SAMMSON: variants seen among roughly 807,000 people sequenced by gnomAD.
The protein encoded by SAMMSON is survival associated mitochondrial melanoma specific oncogenic non-coding RNA.
intron 7 of SAMMSON, among the ~76,000 whole-genome samples, chr3:70,308,240 TA>T (rs1218296516): frequency 2.2e-5 from 3 of 134,016 alleles, no homozygotes; most frequent in Admixed American, 1.5e-4. Flanking sequence ...GTTTTTATTT[TA>T]TTTTTTTTTT....
intron 4 of SAMMSON, among the ~76,000 whole-genome samples, chr3:70,185,076 C>G (rs1701082158): frequency 6.6e-6 from 1 of 152,180 alleles, no homozygotes; most frequent in African/African-American, 2.4e-5. Context: ...AATAGAAACA[C>G]TGAGCCCCTT....
chr3:70,265,559 G>A lies in SAMMSON; in HGVS notation n.674+15889G>A, dbSNP rs187958570. Among the ~76,000 whole-genome samples the A allele has an allele frequency of 2.0e-5, 3 of 152,194 alleles. No homozygotes were observed. In the East Asian group the frequency reaches 5.8e-4, roughly 29 times the overall value. ...TCCCAGCCATCTCAGGACTTTTAGG[G>A]TGGGGTTGCATTATCAAGGTGCTTC... On this transcript the variant is annotated intron_variant and non_coding_transcript_variant, in intron 6 of 9. Coordinates refer to ENST00000642114, the Ensembl canonical transcript of SAMMSON.
In SAMMSON at chr3:70,066,739, A is replaced by G. The variant is rs1267439002; in HGVS notation, n.418-4737A>G. 2.0e-5 allele frequency among the ~76,000 whole-genome samples: 3 copies of G among 152,226 alleles called. No homozygotes were observed. The East Asian group carries it at 5.8e-4, about 29-fold the overall frequency. On this transcript the variant is annotated intron_variant and non_coding_transcript_variant, in intron 3 of 9. Transcript: ENST00000642114. The stretch of plus-strand genomic sequence containing the variant: ...CAGGGATTTAAATTAATCTGAGTGG[A>G]CATGTTTAGGTTGAGAGTTGCTCCA...
At chr3:70,255,988 T>G (rs532762510) in intron 6 of SAMMSON, among the ~76,000 whole-genome samples, 2 of 152,222 alleles carry the variant, frequency 1.3e-5, no homozygotes, top group Non-Finnish European at 2.9e-5. Context: ...TACCCACTTT[T>G]CTTTCTCCAC....
At chr3:70,403,909 A>T (rs901501902) in intron 2 of SAMMSON, among the ~76,000 whole-genome samples, 2 of 152,204 alleles carry the variant, frequency 1.3e-5, no homozygotes, top group Non-Finnish European at 2.9e-5. Context: ...AGATATTATT[A>T]TCTCTATCAA....
At chr3:70,250,409 TCTCACACA>T (rs1358852894) in intron 6 of SAMMSON, among the ~76,000 whole-genome samples, 13,716 of 126,248 alleles carry the variant, frequency 0.11, 800 homozygotes, top group South Asian at 0.22. Context: ...TTTTAATGAA[TCTCACACA>T]CACACACACA....
intron 4 of SAMMSON, among the ~76,000 whole-genome samples, chr3:70,129,004 C>CA (rs1271400695): frequency 6.6e-6 from 1 of 152,112 alleles, no homozygotes; most frequent in Non-Finnish European, 1.5e-5. Flanking sequence ...TTTATGTAAG[C>CA]ATCAAATGCA....
At chr3:70,212,409 G>T (rs1701360449) in intron 4 of SAMMSON, among the ~76,000 whole-genome samples, 1 of 152,042 alleles carries the variant, frequency 6.6e-6, no homozygotes, top group African/African-American at 2.4e-5. Flanking sequence ...AGTTCAATTT[G>T]TCTTTATTGT....
At chr3:70,210,693 C>A (rs1701334468) in intron 4 of SAMMSON, among the ~76,000 whole-genome samples, 1 of 151,968 alleles carries the variant, frequency 6.6e-6, no homozygotes, top group Admixed American at 6.6e-5. Context: ...ATTCATAGTT[C>A]TTGACATTAA....
chr3:70,196,956 G>T, intron 4 of SAMMSON: 1 of 398,524 alleles, frequency 2.5e-6, no homozygotes, highest in Non-Finnish European at 4.4e-6. Flanking sequence ...AAATCTCCAT[G>T]GCCAGTTCCA....
At chr3:70,237,262 T>C (rs1246189262) in intron 4 of SAMMSON, among the ~76,000 whole-genome samples, 1 of 152,256 alleles carries the variant, frequency 6.6e-6, no homozygotes, top group African/African-American at 2.4e-5. Flanking sequence ...AAAGAATTAC[T>C]GCATCATATT....
At chr3:70,382,644 T>C (rs543624547) in intron 9 of SAMMSON, among the ~76,000 whole-genome samples, 5 of 151,480 alleles carry the variant, frequency 3.3e-5, no homozygotes, top group Non-Finnish European at 7.4e-5. Context: ...TTCTGTACAC[T>C]AGTAAGCTGA....
chr3:70,017,187 A>G (rs1352363429), intron 3 of SAMMSON, among the ~76,000 whole-genome samples: 1 of 152,144 alleles, frequency 6.6e-6, no homozygotes, highest in Non-Finnish European at 1.5e-5. Flanking sequence ...CAGTATGGCC[A>G]CTTTCACGAT....
At chr3:70,408,812 G>A (rs1310748084) in intron 2 of SAMMSON, among the ~76,000 whole-genome samples, 1 of 151,928 alleles carries the variant, frequency 6.6e-6, no homozygotes, top group Admixed American at 6.6e-5. Context: ...CTCTCTACTG[G>A]TACCAATTTA....
chr3:70,055,846 T>C (rs1295923581), intron 3 of SAMMSON, among the ~76,000 whole-genome samples: 1 of 152,070 alleles, frequency 6.6e-6, no homozygotes, highest in Non-Finnish European at 1.5e-5. Flanking sequence ...TTTGAGCTCT[T>C]TGAGGACAAT....
At chr3:70,208,482 CT>C (rs1231773771) in intron 4 of SAMMSON, among the ~76,000 whole-genome samples, 1 of 152,054 alleles carries the variant, frequency 6.6e-6, no homozygotes, top group Non-Finnish European at 1.5e-5. Flanking sequence ...GTAGAATCAC[CT>C]GGAAAATCTT....
At chr3:70,185,516 A>G (rs2106707942) in intron 4 of SAMMSON, among the ~76,000 whole-genome samples, 1 of 152,254 alleles carries the variant, frequency 6.6e-6, no homozygotes. Flanking sequence ...ATATCTAGCT[A>G]TTGTATAAGT....
intron 7 of SAMMSON, among the ~76,000 whole-genome samples, chr3:70,293,592 C>CCCA (rs1415243539): frequency 2.6e-5 from 4 of 152,028 alleles, no homozygotes; most frequent in African/African-American, 9.7e-5. Context: ...TTGGGTGCCA[C>CCCA]AGTGATATAA....
intron 3 of SAMMSON, among the ~76,000 whole-genome samples, chr3:70,063,668 C>T (rs1167863048): frequency 6.6e-6 from 1 of 152,072 alleles, no homozygotes; most frequent in Non-Finnish European, 1.5e-5. Flanking sequence ...ACTTTGTTTC[C>T]TTCCCCCAGA....
Sources: gnomAD v4.1 joint callset for allele counts (sites outside exome capture counted in the v4.1 genomes callset) on GRCh38, gnomAD v4.1.1 for gene constraint, MANE v1.5 for transcripts, NCBI Gene and HGNC (gene_info 2026-07-23, HGNC 2026-07-21) for gene names.